The following USP47 variants were observed in gnomAD, a reference collection of about 807,000 sequenced individuals.
USP47 encodes ubiquitin specific peptidase 47.
USP47 carries 35 observed loss-of-function variants against 165.1 expected under a neutral mutation model. The ratio of observed to expected loss-of-function variants is 0.21; its 90% CI spans 0.16 to 0.28. The LOEUF is 0.28. USP47 is among the 10% of genes least tolerant of loss of function. USP47 has a pLI of 1.00. For synonymous variants in USP47, 531 were observed against 544.5 expected, an observed-to-expected ratio of 0.98 and a Z score of 0.35; for missense variants, 1,277 against 1,607.4, an observed-to-expected ratio of 0.79 and a Z score of 3.52.
intron 1 of USP47, among the ~76,000 whole-genome samples, chr11:11,872,109 T>G (rs1850108266): frequency 6.6e-6 from 1 of 152,214 alleles, no homozygotes; most frequent in Non-Finnish European, 1.5e-5. Context: ...TCTGCTCTGC[T>G]AGGCATCAGC....
chr11:11,922,851 A>G lies in USP47; in HGVS notation c.1346A>G (p.Asn449Ser), dbSNP rs1237971771. Residue 449 changes from asparagine to serine, a missense_variant, in exon 11 of 28, where the codon AAT (asparagine) becomes AGT (serine). Coordinates refer to ENST00000527733, the MANE Select transcript of USP47 (RefSeq NM_001282659.2). Reference protein sequence around the residue: ...GVDEGICLETNSGTEKISKSG... With the variant: ...GVDEGICLETSSGTEKISKSG... ...GATGAAGGAATCTGTCTTGAAACCAATAGTGGAACTGAAAAGATCTCAAAA... is the reference window on the plus strand; with the variant it reads ...GATGAAGGAATCTGTCTTGAAACCAGTAGTGGAACTGAAAAGATCTCAAAA... 1.2e-5 allele frequency: 19 copies of G among 1,610,616 alleles called. No individual in the cohort carries two copies. Among genetic ancestry groups the G allele is most frequent in the Non-Finnish European group, 1.4e-5 (17 of 1,177,962 alleles).
intron 14 of USP47, 115 bp downstream of exon 14, chr11:11,930,866 C>A: frequency 1.4e-6 from 1 of 718,056 alleles, no homozygotes; most frequent in Non-Finnish European, 2.2e-6. Flanking sequence ...TTGTTTTATG[C>A]CTGGAAGAAT....
At chr11:11,944,668 G>A (rs1026452122) in intron 20 of USP47, among the ~76,000 whole-genome samples, 2 of 152,136 alleles carry the variant, frequency 1.3e-5, no homozygotes, top group African/African-American at 4.8e-5. Context: ...CACACTGCCA[G>A]GATGAGACTC....
intron 1 of USP47, among the ~76,000 whole-genome samples, chr11:11,876,091 C>G (rs1006675780): frequency 2.0e-5 from 3 of 152,084 alleles, no homozygotes; most frequent in South Asian, 4.1e-4. Flanking sequence ...ATAGTTTCAA[C>G]TTTAGGATTT....
chr11:11,891,989 G>C lies in USP47; in HGVS notation c.379G>C (p.Asp127His). The C allele has an allele frequency of 6.2e-7, 1 of 1,613,348 alleles. No homozygotes were observed. Among genetic ancestry groups the C allele is most frequent in the Non-Finnish European group, 8.5e-7 (1 of 1,179,654 alleles). ...TTAGGAGGATTCCAGTGCTGGGGAA[G>C]ACAGTGTTCATGACAGGTTTATAGG... ...ILLEDSSAGE[D>H]SVHDRFIGPL... The change falls in exon 4 of 28, where the codon GAC becomes CAC. Residue 127 changes from aspartate (D) to histidine (H), a missense_variant. Physicochemically the swap from Asp to His is moderately conservative, Grantham distance 81. Coordinates refer to ENST00000527733, the MANE Select transcript of USP47 (RefSeq NM_001282659.2).
intron 2 of USP47, among the ~76,000 whole-genome samples, chr11:11,882,404 A>G (rs1041958760): frequency 1.3e-5 from 2 of 152,212 alleles, no homozygotes; most frequent in African/African-American, 2.4e-5. Context: ...TGCCCTTAAA[A>G]TCATATTATG....
chr11:11,930,905 CCAAATGTT>C (rs1263777425), intron 14 of USP47, among the ~76,000 whole-genome samples, 154 bp downstream of exon 14: 4 of 151,930 alleles, frequency 2.6e-5, no homozygotes, highest in Admixed American at 1.3e-4. Flanking sequence ...CAAAATAATA[CCAAATGTT>C]AAGGACCTTG....
chr11:11,874,107 GGT>G (rs1327096870), intron 1 of USP47, among the ~76,000 whole-genome samples: 1 of 151,942 alleles, frequency 6.6e-6, no homozygotes, highest in African/African-American at 2.4e-5. Context: ...TATGATGTTG[GGT>G]ATGATAGTTG....
intron 1 of USP47, among the ~76,000 whole-genome samples, chr11:11,870,773 C>T (rs1849987102): frequency 6.6e-6 from 1 of 152,092 alleles, no homozygotes; most frequent in Non-Finnish European, 1.5e-5. Context: ...ATTCTTTTTC[C>T]TCTCTTTGTT....
intron 19 of USP47, 117 bp from the exon 20 acceptor site, chr11:11,942,218 C>T: frequency 8.5e-7 from 1 of 1,172,140 alleles, no homozygotes; most frequent in Middle Eastern, 2.5e-4. Flanking sequence ...GAAACTATAT[C>T]ATCACACATG....
At chr11:11,917,055 A>AG (rs1399519856) in intron 8 of USP47, among the ~76,000 whole-genome samples, 15 of 152,092 alleles carry the variant, frequency 9.9e-5, no homozygotes. Flanking sequence ...CAGGAGGCTG[A>AG]GGTAAGAGAA....
chr11:11,897,530 CTTA>C (rs1253018775), intron 4 of USP47, 64 bp from the exon 5 acceptor site: 5 of 1,168,660 alleles, frequency 4.3e-6, no homozygotes, highest in Non-Finnish European at 6.0e-6. Context: ...GAATTAAATT[CTTA>C]TTATGTTTTT....
At chr11:11,849,947 T>C (rs1848633307) in intron 1 of USP47, among the ~76,000 whole-genome samples, 2 of 152,246 alleles carry the variant, frequency 1.3e-5, no homozygotes, top group African/African-American at 4.8e-5. Flanking sequence ...GGCATTGCTC[T>C]ACTGTCTTCT....
At chr11:11,936,194 A>G (rs887454792) in intron 16 of USP47, 109 bp from the exon 17 acceptor site, 29 of 498,166 alleles carry the variant, frequency 5.8e-5, no homozygotes, top group African/African-American at 3.3e-4. Context: ...GTTAGGGCCT[A>G]TTGTAATGTT....
Position 11,920,568 on chromosome 11 carries a change from A to C in USP47, c.1218+74A>C, listed in dbSNP as rs1197019322. The C allele has an allele frequency of 3.6e-6, 5 of 1,388,822 alleles. No homozygotes were observed. In the East Asian group the frequency reaches 9.9e-5, roughly 28 times the overall value. 86.0% of individuals were successfully genotyped at this position (1,388,822 alleles called of 1,614,324 possible). A position where few individuals can be genotyped will look rare whatever the true frequency, so the allele number is the denominator to read the frequency against. ...GTCATGGTTTTGAAAGAGCTGTTTG[A>C]GGTAATAACACTGATGTCATTTGGA... On this transcript the variant is annotated intron_variant, in intron 10 of 27. Coordinates refer to ENST00000527733, the MANE Select transcript of USP47 (RefSeq NM_001282659.2).
chr11:11,905,095 G>A lies in USP47; in HGVS notation c.820-304G>A, dbSNP rs114364288. On this transcript the variant is annotated intron_variant, in intron 7 of 27. Coordinates refer to ENST00000527733, the MANE Select transcript of USP47 (RefSeq NM_001282659.2). ...AACTGATTTCATCAAAACATTAATC[G>A]TTCGGTTTTCTCATGATGAATATTG... Among the ~76,000 whole-genome samples, 677 of 151,814 alleles carry A rather than the reference G, an allele frequency of 4.5e-3. 6 individuals carry two copies. The highest frequency in any genetic ancestry group is 0.015 in the African/African-American group (625 of 41,440).
At chr11:11,868,214 TATA>T (rs1849807685) in intron 1 of USP47, among the ~76,000 whole-genome samples, 1 of 152,216 alleles carries the variant, frequency 6.6e-6, no homozygotes, top group South Asian at 2.1e-4. Flanking sequence ...ATTCACGTGA[TATA>T]GTCAAGATAT....
chr11:11,862,947 C>T (rs1005971527), intron 1 of USP47, among the ~76,000 whole-genome samples: 1 of 152,006 alleles, frequency 6.6e-6, no homozygotes, highest in Non-Finnish European at 1.5e-5. Context: ...TACATTGTAC[C>T]CTTTAATTAA....
At chr11:11,891,559 C>G (rs752735158) in intron 3 of USP47, among the ~76,000 whole-genome samples, 8 of 152,198 alleles carry the variant, frequency 5.3e-5, no homozygotes, top group Non-Finnish European at 1.2e-4. Flanking sequence ...TTCTTCAGTT[C>G]TGTTCTAATT....
Sources: allele counts gnomAD v4.1 joint callset (sites outside exome capture counted in the v4.1 genomes callset), GRCh38; gene constraint gnomAD v4.1.1; transcripts MANE v1.5; gene names NCBI Gene and HGNC (gene_info 2026-07-23, HGNC 2026-07-21).